The following SNTG1 variants were observed in gnomAD, a reference collection of about 807,000 sequenced individuals.
SNTG1 encodes the protein syntrophin gamma 1, also known as gamma-1-syntrophin.
In SNTG1, 39 loss-of-function variants were observed where a neutral mutation model predicts 74.7. That is an observed-to-expected ratio of 0.52 (90% confidence interval 0.40 to 0.68). The LOEUF is 0.68. Among genes scored for constraint, SNTG1 ranks in the 30% least tolerant of loss-of-function variants. The pLI is 0.00. For missense variants in SNTG1, 685 were observed against 609.5 expected (o/e 1.12, Z -1.30); for synonymous variants, 254 against 217.1 (o/e 1.17, Z -1.49).
chr8:50,107,155 T>C (rs1212815812), intron 1 of SNTG1, among the ~76,000 whole-genome samples: 4 of 152,218 alleles, frequency 2.6e-5, no homozygotes, highest in Admixed American at 2.6e-4. Context: ...AAGTAAGTTT[T>C]CTTGAATGCC....
At chr8:50,354,367 C>T (rs903935774) in intron 2 of SNTG1, among the ~76,000 whole-genome samples, 4 of 152,256 alleles carry the variant, frequency 2.6e-5, no homozygotes, top group African/African-American at 4.8e-5. Flanking sequence ...AACATCATCA[C>T]ATAGAGTTGG....
chr8:49,914,707 A>T (rs1263821546), intron 1 of SNTG1, among the ~76,000 whole-genome samples: 2 of 152,200 alleles, frequency 1.3e-5, no homozygotes, highest in Admixed American at 6.5e-5. Context: ...ATTTATCAAA[A>T]AATATAAAAG....
chr8:49,950,012 A>G (rs1264579211), intron 1 of SNTG1, among the ~76,000 whole-genome samples: 1 of 152,170 alleles, frequency 6.6e-6, no homozygotes, highest in Admixed American at 6.5e-5. Flanking sequence ...CTATAATCCC[A>G]GCTACTTGGG....
At chr8:50,672,450 T>G (rs530641370) in intron 15 of SNTG1, among the ~76,000 whole-genome samples, 1 of 152,310 alleles carries the variant, frequency 6.6e-6, no homozygotes, top group Non-Finnish European at 1.5e-5. Flanking sequence ...TTGAGTATTT[T>G]TTTTCACATG....
chr8:50,475,933 A>ACC (rs2093693866), intron 8 of SNTG1, among the ~76,000 whole-genome samples: 2 of 152,152 alleles, frequency 1.3e-5, no homozygotes, highest in African/African-American at 4.8e-5. Flanking sequence ...TGAAGTGGAA[A>ACC]ACTTCAGAAA....
At chr8:49,933,489 C>T (rs1807781472) in intron 1 of SNTG1, among the ~76,000 whole-genome samples, 1 of 152,108 alleles carries the variant, frequency 6.6e-6, no homozygotes, top group African/African-American at 2.4e-5. Flanking sequence ...CCGTTTTGAG[C>T]AAACTTTTTT....
intron 1 of SNTG1, among the ~76,000 whole-genome samples, chr8:49,958,186 A>G (rs951695612): frequency 7.9e-5 from 12 of 152,150 alleles, no homozygotes; most frequent in African/African-American, 2.9e-4. Flanking sequence ...CCACAAAAGG[A>G]CAAAGGCCCA....
intron 1 of SNTG1, among the ~76,000 whole-genome samples, chr8:50,067,082 T>A (rs1471957902): frequency 6.6e-6 from 1 of 152,222 alleles, no homozygotes; most frequent in Non-Finnish European, 1.5e-5. Flanking sequence ...CCAACAGTCA[T>A]CTTACATTTG....
At chr8:50,516,317 A>AT (rs1443498783) in intron 9 of SNTG1, among the ~76,000 whole-genome samples, 1 of 152,236 alleles carries the variant, frequency 6.6e-6, no homozygotes, top group Non-Finnish European at 1.5e-5. Flanking sequence ...CCAAAAATAG[A>AT]TAAGTCCACA....
chr8:50,149,342 G>T (rs928770758), intron 1 of SNTG1, among the ~76,000 whole-genome samples: 5 of 152,142 alleles, frequency 3.3e-5, no homozygotes, highest in African/African-American at 9.7e-5. Flanking sequence ...TCTGTAGGTT[G>T]CCTGTTCACC....
chr8:50,376,756 T>TATATATATATATATATATATATATAG (rs1381048539), intron 2 of SNTG1, among the ~76,000 whole-genome samples: 1 of 89,988 alleles, frequency 1.1e-5, no homozygotes, highest in Non-Finnish European at 2.2e-5. Context: ...TATATATATA[T>TATATATATATATATATATATATATAG]AGAGAGAGAG....
At chr8:50,486,834 T>G (rs1172534167) in intron 8 of SNTG1, among the ~76,000 whole-genome samples, 1 of 152,110 alleles carries the variant, frequency 6.6e-6, no homozygotes, top group African/African-American at 2.4e-5. Context: ...CATCAATACC[T>G]AATTTATTGA....
In SNTG1 at chr8:50,429,162, G is replaced by T. The variant is rs1362767662; in HGVS notation, c.163-9381G>T. ...AAGCTGATCCTAAAATTCATAAGGAGATGAAAGAGATTTCAAATAGCTAAA... is the reference window on the plus strand; with the variant it reads ...AAGCTGATCCTAAAATTCATAAGGATATGAAAGAGATTTCAAATAGCTAAA... On this transcript the variant is annotated intron_variant, in intron 4 of 18. Coordinates refer to ENST00000642720, the MANE Select transcript of SNTG1 (RefSeq NM_018967.5). Among the ~76,000 whole-genome samples the T allele has an allele frequency of 2.0e-5, 3 of 151,920 alleles. No individual in the cohort carries two copies. In the East Asian group the frequency reaches 5.8e-4, roughly 29 times the overall value.
chr8:50,762,321 A>C (rs144672972), intron 18 of SNTG1: 2,578 of 166,224 alleles, frequency 0.016, 42 homozygotes, highest in Middle Eastern at 0.034. Flanking sequence ...AACTGAACAT[A>C]TTCATTTAAC....
chr8:50,516,365 C>A (rs2094134126), intron 9 of SNTG1, among the ~76,000 whole-genome samples: 1 of 152,118 alleles, frequency 6.6e-6, no homozygotes, highest in African/African-American at 2.4e-5. Context: ...TCTGAAAATT[C>A]CAAAAACCAG....
In SNTG1 at chr8:50,330,015, G is replaced by A. The variant is rs186890144; in HGVS notation, c.-27-64197G>A. Among the ~76,000 whole-genome samples, 383 of 152,196 alleles carry A rather than the reference G, an allele frequency of 2.5e-3. 3 individuals are homozygous for A. Among genetic ancestry groups the A allele is most frequent in the Non-Finnish European group, 4.4e-3 (301 of 68,010 alleles). Reference sequence around the variant, plus strand: ...TGCTCCAGTTCCCAAGAAGTTCCGCGTATCCATTTGAGACCACCTCAGCCT... The same window carrying A: ...TGCTCCAGTTCCCAAGAAGTTCCGCATATCCATTTGAGACCACCTCAGCCT... On this transcript the variant is annotated intron_variant, in intron 2 of 18. Coordinates refer to ENST00000642720, the MANE Select transcript of SNTG1 (RefSeq NM_018967.5).
intron 18 of SNTG1, among the ~76,000 whole-genome samples, chr8:50,758,501 T>C (rs1378347593): frequency 2.6e-5 from 4 of 152,044 alleles, no homozygotes; most frequent in Non-Finnish European, 4.4e-5. Context: ...AGCTCCAGTG[T>C]GTGTTGTCTC....
chr8:50,526,320 G>A (rs1027894871), intron 9 of SNTG1, among the ~76,000 whole-genome samples: 2 of 152,072 alleles, frequency 1.3e-5, no homozygotes, highest in African/African-American at 4.8e-5. Flanking sequence ...CCACTCTAGA[G>A]AGTGGCTGCA....
At chr8:50,319,448 C>T (rs968074934) in intron 2 of SNTG1, among the ~76,000 whole-genome samples, 1 of 152,212 alleles carries the variant, frequency 6.6e-6, no homozygotes, top group Non-Finnish European at 1.5e-5. Context: ...CTGAATTTAT[C>T]AGTTCTAATA....
Sources: allele counts gnomAD v4.1 joint callset (sites outside exome capture counted in the v4.1 genomes callset), GRCh38; gene constraint gnomAD v4.1.1; transcripts MANE v1.5; gene names NCBI Gene and HGNC (gene_info 2026-07-23, HGNC 2026-07-21).